MCTP1: variants seen among roughly 807,000 people sequenced by gnomAD.
The protein encoded by MCTP1 is multiple C2 and transmembrane domain containing 1, also known as multiple C2 and transmembrane domain-containing protein 1.
A neutral mutation model predicts 120.6 loss-of-function variants in MCTP1; 69 were observed. The ratio of observed to expected loss-of-function variants is 0.57; its 90% CI spans 0.47 to 0.70. The LOEUF (loss-of-function observed/expected upper bound fraction) is 0.70. MCTP1 is among the 30% of genes least tolerant of loss of function. The probability of loss-of-function intolerance (pLI) is 0.00; values close to 1 mark genes in which losing one functional copy is unlikely to be tolerated. For missense variants in MCTP1, 1,203 were observed against 1,248.8 expected, an observed-to-expected ratio of 0.96 and a Z score of 0.55; for synonymous variants, 529 against 493.1, an observed-to-expected ratio of 1.07 and a Z score of -0.96.
intron 1 of MCTP1, among the ~76,000 whole-genome samples, chr5:95,149,620 C>G (rs1048036801): frequency 1.3e-5 from 2 of 152,170 alleles, no homozygotes; most frequent in Non-Finnish European, 2.9e-5. Flanking sequence ...GTGCTGGAAG[C>G]AGAAACTGAG....
At chr5:95,188,525 T>C (rs1003383199) in intron 1 of MCTP1, among the ~76,000 whole-genome samples, 3 of 152,178 alleles carry the variant, frequency 2.0e-5, no homozygotes, top group African/African-American at 7.2e-5. Flanking sequence ...AGGAAACCCA[T>C]TGATATACAC....
chr5:94,746,455 C>T (rs1766927693), intron 19 of MCTP1, among the ~76,000 whole-genome samples: 1 of 152,156 alleles, frequency 6.6e-6, no homozygotes, highest in Non-Finnish European at 1.5e-5. Context: ...AAATGATGCT[C>T]TTTAAGTAGT....
intron 2 of MCTP1, among the ~76,000 whole-genome samples, chr5:94,985,416 A>T (rs572414192): frequency 6.6e-6 from 1 of 152,136 alleles, no homozygotes; most frequent in Admixed American, 6.6e-5. Context: ...CTTCTGTTTA[A>T]ATTTTTACAC....
chr5:94,838,729 A>ATAAATGTTGAGTGGACAC (rs1365822009), intron 17 of MCTP1, among the ~76,000 whole-genome samples: 3 of 152,246 alleles, frequency 2.0e-5, no homozygotes, highest in African/African-American at 7.2e-5. Flanking sequence ...TGAGTGGACA[A>ATAAATGTTGAGTGGACAC]ATAAATGTAT....
intron 19 of MCTP1, among the ~76,000 whole-genome samples, chr5:94,731,627 C>T (rs1263680276): frequency 1.3e-5 from 2 of 152,174 alleles, no homozygotes; most frequent in Non-Finnish European, 2.9e-5. Flanking sequence ...TGCTCTTCCT[C>T]AAACATACTG....
intron 11 of MCTP1, 83 bp downstream of exon 11, chr5:94,894,566 A>G: frequency 9.6e-7 from 1 of 1,039,366 alleles, no homozygotes; most frequent in Non-Finnish European, 1.4e-6. Context: ...ACTTCTCAGA[A>G]GTACTTCTGT....
chr5:94,932,579 GC>G (rs1393190972), intron 5 of MCTP1, among the ~76,000 whole-genome samples: 4 of 151,944 alleles, frequency 2.6e-5, no homozygotes, highest in African/African-American at 9.7e-5. Flanking sequence ...AATATGTATG[GC>G]CAAAAGTTTT....
intron 1 of MCTP1, among the ~76,000 whole-genome samples, chr5:95,057,503 C>G (rs1401814005): frequency 6.6e-6 from 1 of 152,094 alleles, no homozygotes; most frequent in Non-Finnish European, 1.5e-5. Context: ...TACACACAAG[C>G]CACTTAGCAA....
At chr5:95,182,294 T>C (rs1004328233) in intron 1 of MCTP1, among the ~76,000 whole-genome samples, 1 of 152,116 alleles carries the variant, frequency 6.6e-6, no homozygotes, top group Non-Finnish European at 1.5e-5. Flanking sequence ...GGAGAAAACA[T>C]TGGAAGGTGA....
chr5:94,775,965 T>TTATATA (rs141167179), intron 19 of MCTP1, among the ~76,000 whole-genome samples: 18 of 145,608 alleles, frequency 1.2e-4, no homozygotes, highest in African/African-American at 4.2e-4. Context: ...TATATTTATA[T>TTATATA]TATATATATA....
At chr5:95,086,974 C>T (rs539387340) in intron 1 of MCTP1, among the ~76,000 whole-genome samples, 6 of 152,280 alleles carry the variant, frequency 3.9e-5, no homozygotes, top group East Asian at 1.9e-4. Context: ...CAGATGTTCA[C>T]GTTTCTCTCA....
intron 1 of MCTP1, among the ~76,000 whole-genome samples, chr5:95,156,330 G>A (rs552674669): frequency 6.6e-6 from 1 of 152,260 alleles, no homozygotes; most frequent in South Asian, 2.1e-4. Context: ...TACATTTAAT[G>A]GTCAACAAAC....
chr5:94,978,908 C>G (rs1463823578), intron 2 of MCTP1: 4 of 151,514 alleles, frequency 2.6e-5, no homozygotes, highest in African/African-American at 7.3e-5. Context: ...TGGGTGTGAT[C>G]ATTGGCACAC....
chr5:95,087,054 G>C (rs1755489863), intron 1 of MCTP1, among the ~76,000 whole-genome samples: 1 of 152,176 alleles, frequency 6.6e-6, no homozygotes. Flanking sequence ...TCAGCCAGGA[G>C]GACGAAAGGG....
intron 1 of MCTP1, among the ~76,000 whole-genome samples, chr5:95,097,812 A>G (rs1019194407): frequency 1.3e-5 from 2 of 152,180 alleles, no homozygotes; most frequent in African/African-American, 4.8e-5. Context: ...AAAGAAAAAG[A>G]TCCAGCATGA....
intron 1 of MCTP1, among the ~76,000 whole-genome samples, chr5:95,185,213 G>C (rs965683802): frequency 2.0e-5 from 3 of 151,652 alleles, no homozygotes; most frequent in African/African-American, 7.3e-5. Flanking sequence ...GTATTGTAAT[G>C]ATACCAAAAC....
At chr5:94,875,278 C>T (rs778583223) in intron 12 of MCTP1, among the ~76,000 whole-genome samples, 1 of 152,028 alleles carries the variant, frequency 6.6e-6, no homozygotes, top group Non-Finnish European at 1.5e-5. Flanking sequence ...TCTTGGGTGA[C>T]CCAGAGGAAC....
chr5:94,845,309 G>T (rs1196629052), intron 17 of MCTP1, among the ~76,000 whole-genome samples: 1 of 152,168 alleles, frequency 6.6e-6, no homozygotes, highest in East Asian at 1.9e-4. Context: ...AGGCAAAAGA[G>T]CGTGTGCAGA....
At chr5:95,085,025 A>T (rs1031134874) in intron 1 of MCTP1, among the ~76,000 whole-genome samples, 1 of 152,078 alleles carries the variant, frequency 6.6e-6, no homozygotes, top group African/African-American at 2.4e-5. Flanking sequence ...TTTATTCTCT[A>T]AGCCCACTGA....
Sources: allele counts gnomAD v4.1 joint callset (sites outside exome capture counted in the v4.1 genomes callset), GRCh38; gene constraint gnomAD v4.1.1; transcripts MANE v1.5; gene names NCBI Gene and HGNC (gene_info 2026-07-23, HGNC 2026-07-21).